Variants in ZMYM1 observed in about 807,000 individuals in gnomAD.
ZMYM1 encodes the protein zinc finger MYM-type containing 1.
ZMYM1 carries 39 observed loss-of-function variants against 60.0 expected under a neutral mutation model. The ratio of observed to expected loss-of-function variants is 0.65; its 90% CI spans 0.50 to 0.85. The LOEUF (loss-of-function observed/expected upper bound fraction) is 0.85. Among genes scored for constraint, ZMYM1 ranks in the 40% least tolerant of loss-of-function variants. The pLI, the probability that ZMYM1 is intolerant of heterozygous loss-of-function variation, is 0.00. For synonymous variants in ZMYM1, 413 were observed against 454.0 expected (o/e 0.91, Z 1.15); for missense variants, 1,171 against 1,309.5 (o/e 0.89, Z 1.63).
At chr1:35,095,445 C>G (rs919694584) in intron 2 of ZMYM1, among the ~76,000 whole-genome samples, 1 of 148,084 alleles carries the variant, frequency 6.8e-6, no homozygotes, top group Non-Finnish European at 1.5e-5. Flanking sequence ...GAGACGAGAT[C>G]GCGTCACTGT....
At chr1:35,064,532 G>T (rs569057002) in intron 1 of ZMYM1, among the ~76,000 whole-genome samples, 3 of 151,520 alleles carry the variant, frequency 2.0e-5, no homozygotes, top group Non-Finnish European at 4.4e-5. Context: ...AACATTTACC[G>T]AAATAGACAA....
chr1:35,072,329 A>G (rs1642082256), intron 1 of ZMYM1, among the ~76,000 whole-genome samples: 3 of 152,104 alleles, frequency 2.0e-5, no homozygotes. Flanking sequence ...AATCTTCTAA[A>G]GTTTATTGGC....
intron 4 of ZMYM1, among the ~76,000 whole-genome samples, chr1:35,098,005 A>G (rs1467930824): frequency 1.3e-5 from 2 of 152,078 alleles, no homozygotes; most frequent in Admixed American, 6.6e-5. Context: ...AGTTTTTTCT[A>G]CTTTTAGTTC....
chr1:35,114,931 C>G lies in ZMYM1; in HGVS notation c.3101C>G (p.Ala1034Gly). Reference protein sequence around the residue: ...IPELRFYRHYAKLNFVIDDSC... With the variant: ...IPELRFYRHYGKLNFVIDDSC... ...GAACTTAGATTTTATCGACATTATG[C>G]AAAGCTTAACTTTGTCATAGATGAT... is the stretch of plus-strand genomic sequence containing the variant. Residue 1034 changes from alanine to glycine, a missense_variant, in exon 10 of 10, where the codon GCA becomes GGA. Physicochemically the swap from Ala to Gly is moderately conservative, Grantham distance 60. Transcript: ENST00000359858. The G allele has an allele frequency of 6.2e-7, 1 of 1,613,518 alleles. No homozygotes were observed. The highest frequency in any genetic ancestry group is 1.1e-5 in the South Asian group (1 of 91,044).
At chr1:35,102,178 G>C (rs1250528885) in intron 4 of ZMYM1, among the ~76,000 whole-genome samples, 1 of 151,716 alleles carries the variant, frequency 6.6e-6, no homozygotes, top group Non-Finnish European at 1.5e-5. Flanking sequence ...GAGTGTTTTA[G>C]TAGCCTTTTA....
In ZMYM1 at chr1:35,110,066, T is replaced by G. The variant is rs150019235; in HGVS notation, c.808-228T>G. 1.4e-4 allele frequency among the ~76,000 whole-genome samples: 21 copies of G among 152,252 alleles called. No homozygotes were observed. In the East Asian group the frequency reaches 3.7e-3, roughly 27 times the overall value. On this transcript the variant is annotated intron_variant, in intron 6 of 9. Coordinates refer to ENST00000359858, the MANE Select transcript of ZMYM1 (RefSeq NM_024772.5). ...CCTGGCCTTACTGCTTTCATAGGTA[T>G]TATTATTATTGCTGTTAAATATATC...
intron 4 of ZMYM1, 124 bp downstream of exon 4, chr1:35,097,690 G>C (rs761759548): frequency 8.2e-7 from 1 of 1,225,556 alleles, no homozygotes; most frequent in Non-Finnish European, 1.2e-6. Context: ...TGTTGCCCAG[G>C]CTGGAGTGCA....
rs878998479 is a variant in ZMYM1 at position 35,097,234 on chromosome 1, AAAAG to A, written c.170-71_170-68del. ...AACAGAACAAGACCCTGTCTCTAAA[AAAAG>A]AAAGAAAGAAAATAAAGGAATGCCT... On this transcript the variant is annotated intron_variant, in intron 3 of 9. Transcript: ENST00000359858. 4.1e-5 allele frequency: 60 copies of A among 1,475,244 alleles called. No homozygotes were observed. The Middle Eastern group carries it at 5.4e-4, about 13-fold the overall frequency. 91.4% of individuals were successfully genotyped at this position (1,475,244 alleles called of 1,614,324 possible). A position where few individuals can be genotyped will look rare whatever the true frequency, so the allele number is the denominator to read the frequency against.
intron 1 of ZMYM1, among the ~76,000 whole-genome samples, chr1:35,090,185 C>T (rs910123590): frequency 6.6e-6 from 1 of 152,008 alleles, no homozygotes; most frequent in Non-Finnish European, 1.5e-5. Flanking sequence ...GGATTACAGG[C>T]GTGAGCCACC....
At position 35,073,791 on chromosome 1, in the gene ZMYM1, A is replaced by T. The variant is rs527441478; in HGVS notation, c.-300-5203A>T. 4.8e-4 allele frequency among the ~76,000 whole-genome samples: 73 copies of T among 151,946 alleles called. 3 individuals carry two copies. The highest frequency in any genetic ancestry group is 1.6e-4 in the Non-Finnish European group (11 of 67,986). On this transcript the variant is annotated intron_variant, in intron 1 of 10. Transcript: ENST00000417119. Reference sequence around the variant, plus strand: ...TTAAAACTGCTTTTCCTGTGTCCCTATGATTTTGTGATGATGTGTTTCCAT... The same window carrying T: ...TTAAAACTGCTTTTCCTGTGTCCCTTTGATTTTGTGATGATGTGTTTCCAT...
downstream of ZMYM1, among the ~76,000 whole-genome samples, chr1:35,116,835 ATTTTTTTTTTTTT>A (rs10671957): frequency 1.1e-5 from 1 of 88,936 alleles, no homozygotes; most frequent in Non-Finnish European, 1.9e-5. Context: ...TAGGCCTGGA[ATTTTTTTTTTTTT>A]TTTTTTTTTT....
At chr1:35,085,087 G>A (rs902079718) in intron 1 of ZMYM1, among the ~76,000 whole-genome samples, 5 of 151,568 alleles carry the variant, frequency 3.3e-5, no homozygotes, top group Admixed American at 3.3e-4. Flanking sequence ...TCGCTCTGTC[G>A]CCCAGGCTGG....
At position 35,114,263 on chromosome 1, in the gene ZMYM1, C is replaced by G. The variant is rs1644194476; in HGVS notation, c.2433C>G (p.Val811=). 2 of 1,613,788 alleles carry G rather than the reference C, an allele frequency of 1.2e-6. No homozygotes were observed. Among genetic ancestry groups the G allele is most frequent in the East Asian group, 4.5e-5 (2 of 44,836 alleles). ...ATATATCACAATCATGTTGGACAGT[C>G]CATGATCGTACATTACTATCTGTGA... ...KKHISQSCWT[V]HDRTLLSVID... is the part of the protein sequence containing the mutation. The change falls in exon 10 of 10, where the codon GTC becomes GTG. Residue 811 remains valine (V), a synonymous_variant. Coordinates refer to ENST00000359858, the MANE Select transcript of ZMYM1 (RefSeq NM_024772.5).
chr1:35,074,008 A>C (rs1642122725), intron 1 of ZMYM1, among the ~76,000 whole-genome samples: 1 of 152,074 alleles, frequency 6.6e-6, no homozygotes. Flanking sequence ...GCCTGGTCTC[A>C]AACTCCTGAT....
In ZMYM1 at chr1:35,088,446, ATATATATATGTGTG is replaced by A. The variant is rs1185707940; in HGVS notation, c.-74-5466_-74-5453del. 4.1e-4 allele frequency among the ~76,000 whole-genome samples: 48 copies of A among 116,300 alleles called. 1 individual carries two copies. The highest frequency in any genetic ancestry group is 1.4e-3 in the African/African-American group (41 of 28,706). The allele number at this position is 116,300 out of a possible 152,430, so 76.3% of individuals were successfully genotyped here. A position where few individuals can be genotyped will look rare whatever the true frequency, so the allele number is the denominator to read the frequency against. ...AATGTGTTTATGTGTATATATATAT[ATATATATATGTGTG>A]TGTGTGTGTGTGTGTGTGTGTGTGT... On this transcript the variant is annotated intron_variant, in intron 1 of 9. Transcript: ENST00000359858.
intron 1 of ZMYM1, among the ~76,000 whole-genome samples, chr1:35,080,320 T>C (rs1642314736): frequency 6.7e-6 from 1 of 149,822 alleles, no homozygotes. Flanking sequence ...GCTTCTTTTT[T>C]TTTTTTTTTT....
chr1:35,100,881 C>T (rs1211188536), intron 4 of ZMYM1, among the ~76,000 whole-genome samples: 1 of 151,836 alleles, frequency 6.6e-6, no homozygotes, highest in Non-Finnish European at 1.5e-5. Flanking sequence ...TGGCTCACTG[C>T]AGCCTCGACC....
intron 1 of ZMYM1, among the ~76,000 whole-genome samples, chr1:35,092,118 G>T (rs1164754862): frequency 6.6e-6 from 1 of 152,114 alleles, no homozygotes; most frequent in East Asian, 1.9e-4. Flanking sequence ...TAGAGACAGG[G>T]TTTTGCCATG....
intron 1 of ZMYM1, among the ~76,000 whole-genome samples, chr1:35,086,475 T>C (rs1458277542): frequency 6.6e-6 from 1 of 151,968 alleles, no homozygotes; most frequent in Non-Finnish European, 1.5e-5. Context: ...AAGCAGAAAA[T>C]GACTGTTTGT....
Sources: allele counts gnomAD v4.1 joint callset (sites outside exome capture counted in the v4.1 genomes callset), GRCh38; gene constraint gnomAD v4.1.1; transcripts MANE v1.5; gene names NCBI Gene and HGNC (gene_info 2026-07-23, HGNC 2026-07-21).